The following KIAA1549 variants were observed in gnomAD, a reference collection of about 807,000 sequenced individuals.
KIAA1549 encodes UPF0606 protein KIAA1549.
A neutral mutation model predicts 156.4 loss-of-function variants in KIAA1549; 70 were observed. The ratio of observed to expected loss-of-function variants is 0.45; its 90% CI spans 0.37 to 0.55. The LOEUF is 0.55. Among genes scored for constraint, KIAA1549 ranks in the 20% least tolerant of loss-of-function variants. The probability of loss-of-function intolerance (pLI) is 0.00; values close to 1 mark genes in which losing one functional copy is unlikely to be tolerated. For missense variants in KIAA1549, 2,428 were observed against 2,540.9 expected (o/e 0.96, Z 0.96); for synonymous variants, 1,103 against 1,066.4 (o/e 1.03, Z -0.67).
chr7:138,845,722 A>T (rs1045511551), intron 17 of KIAA1549, among the ~76,000 whole-genome samples: 37 of 152,192 alleles, frequency 2.4e-4, no homozygotes, highest in African/African-American at 8.9e-4. Flanking sequence ...ACTCATCCAG[A>T]AAAGTCTCTC....
At chr7:138,881,702 T>G in intron 10 of KIAA1549, 118 bp from the exon 11 acceptor site, 1 of 841,390 alleles carries the variant, frequency 1.2e-6, no homozygotes, top group South Asian at 1.8e-5. Flanking sequence ...CCAACAAGCA[T>G]CGCTAGAACA....
intron 18 of KIAA1549, among the ~76,000 whole-genome samples, chr7:138,843,584 A>C (rs1809984519): frequency 6.6e-6 from 1 of 152,244 alleles, no homozygotes; most frequent in African/African-American, 2.4e-5. Flanking sequence ...ATAGAAATTT[A>C]AAAATAATTT....
intron 1 of KIAA1549, among the ~76,000 whole-genome samples, chr7:138,952,157 CT>C: frequency 6.6e-6 from 1 of 152,342 alleles, no homozygotes; most frequent in South Asian, 2.1e-4. Flanking sequence ...CACAGAGGTT[CT>C]GACTCAATGT....
In KIAA1549 at chr7:138,844,349, A is replaced by T. The variant is rs759851100; in HGVS notation, c.5420T>A (p.Val1807Glu). The change falls in exon 18 of 20, where the codon GTG (valine) becomes GAG (glutamate). Residue 1807 changes from valine (V) to glutamate (E), a missense_variant. Physicochemically the swap from Val to Glu is moderately radical, Grantham distance 121. Transcript: ENST00000422774. ...RGIYSEEMPS[V>E]ARPRPVGGTT... is the part of the protein sequence containing the mutation. ...ACCCCCGACAGGCCGAGGCCGGGCCACCGACGGCATCTCCTCCGAGTAGAT... is the reference window on the plus strand; with the variant it reads ...ACCCCCGACAGGCCGAGGCCGGGCCTCCGACGGCATCTCCTCCGAGTAGAT... 3.1e-6 allele frequency: 5 copies of T among 1,613,958 alleles called. No homozygotes were observed. The highest frequency in any genetic ancestry group is 4.2e-6 in the Non-Finnish European group (5 of 1,179,882).
Position 138,868,842 on chromosome 7 carries a change from G to A in KIAA1549, c.4775+696C>T, listed in dbSNP as rs577108947. On this transcript the variant is annotated intron_variant, in intron 14 of 19. Coordinates refer to ENST00000422774, the MANE Select transcript of KIAA1549 (RefSeq NM_001164665.2). Reference sequence around the variant, plus strand: ...GTGAATGTTCAGGGGCTACCAGGCCGTCTCCTGGGTGGCAGTTCTGTCCGT... The same window carrying A: ...GTGAATGTTCAGGGGCTACCAGGCCATCTCCTGGGTGGCAGTTCTGTCCGT... Among the ~76,000 whole-genome samples, 202 of 152,306 alleles carry A rather than the reference G, an allele frequency of 1.3e-3. 2 individuals carry two copies. Among genetic ancestry groups the A allele is most frequent in the Middle Eastern group, 3.4e-3 (1 of 294 alleles).
chr7:138,932,010 T>A (rs1410652251), intron 1 of KIAA1549, among the ~76,000 whole-genome samples: 1 of 152,030 alleles, frequency 6.6e-6, no homozygotes. Context: ...GCAGGAGACA[T>A]GAAGGCAGAC....
At chr7:138,850,440 T>C (rs1810204073) in intron 17 of KIAA1549, among the ~76,000 whole-genome samples, 1 of 152,214 alleles carries the variant, frequency 6.6e-6, no homozygotes, top group African/African-American at 2.4e-5. Context: ...ATTTCTCTAA[T>C]AATCAGTGAT....
At chr7:138,915,416 C>T (rs1244046496) in intron 2 of KIAA1549, among the ~76,000 whole-genome samples, 1 of 152,076 alleles carries the variant, frequency 6.6e-6, no homozygotes, top group African/African-American at 2.4e-5. Context: ...CATTACTTGC[C>T]ATGTGGAATA....
intron 10 of KIAA1549, among the ~76,000 whole-genome samples, chr7:138,888,581 C>A (rs1811463583): frequency 6.6e-6 from 1 of 152,242 alleles, no homozygotes. Flanking sequence ...AAACCCCACA[C>A]TTACTAGTCG....
intron 3 of KIAA1549, 148 bp from the exon 4 acceptor site, chr7:138,911,471 C>T: frequency 1.6e-6 from 1 of 635,766 alleles, no homozygotes; most frequent in East Asian, 2.8e-5. Context: ...TTAGTTACTG[C>T]TTTTACTCTC....
chr7:138,899,418 G>A (rs1463062486), intron 8 of KIAA1549, among the ~76,000 whole-genome samples: 3 of 152,184 alleles, frequency 2.0e-5, no homozygotes, highest in African/African-American at 7.2e-5. Context: ...GCGAGTCCAG[G>A]TGGTCTAAAA....
chr7:138,922,100 C>T (rs1353930954), intron 1 of KIAA1549, among the ~76,000 whole-genome samples: 114 of 152,168 alleles, frequency 7.5e-4, no homozygotes, highest in Admixed American at 7.5e-3. Flanking sequence ...AACGGTGAGA[C>T]AATCAATTTC....
At position 138,916,884 on chromosome 7, in the gene KIAA1549, A is replaced by G. The variant is rs749769056; in HGVS notation, c.2742T>C (p.Ala914=). Residue 914 remains alanine, a synonymous_variant, in exon 2 of 20, where the codon GCT becomes GCC. Coordinates refer to ENST00000422774, the MANE Select transcript of KIAA1549 (RefSeq NM_001164665.2). ...AASQSPPESS[A]APPLPSLRPV... is the part of the protein sequence containing the mutation. ...GACGCAGGGATGGCAGGGGAGGAGC[A>G]GCACTACTCTCTGGGGGGCTCTGAC... 8 of 1,613,762 alleles carry G rather than the reference A, an allele frequency of 5.0e-6. No individual in the cohort carries two copies. The Admixed American group carries it at 8.3e-5, about 17-fold the overall frequency.
chr7:138,911,020 A>G, intron 4 of KIAA1549, 126 bp downstream of exon 4: 1 of 781,068 alleles, frequency 1.3e-6, no homozygotes, highest in Non-Finnish European at 2.0e-6. Flanking sequence ...CAACAGACTG[A>G]GATCCTGTCT....
At position 138,881,476 on chromosome 7, in the gene KIAA1549, G is replaced by A. The variant is rs1242422859; in HGVS notation, c.4141C>T (p.Leu1381=). 1.9e-6 allele frequency: 3 copies of A among 1,613,940 alleles called. No homozygotes were observed. Among genetic ancestry groups the A allele is most frequent in the East Asian group, 2.2e-5 (1 of 44,904 alleles). Residue 1381 remains leucine, a synonymous_variant, in exon 11 of 20, where the codon CTG becomes TTG. Transcript: ENST00000422774. ...TCCGAGGGCGTGGTGTGGTCCTTCA[G>A]AGGTCCTGGCAGTGGCGCTGGCTCA... The part of the protein sequence containing the change: ...IHEPAPLPGP[L]KDHTTPSENG...
rs776206391 is a variant in KIAA1549, at chr7:138,869,627, G to A, written c.4686C>T (p.His1562=). The A allele has an allele frequency of 1.9e-6, 3 of 1,609,066 alleles. No homozygotes were observed. In the East Asian group the frequency reaches 6.7e-5, roughly 36 times the overall value. Residue 1562 remains histidine (H), a synonymous_variant, in exon 14 of 20, where the codon CAC becomes CAT. Transcript: ENST00000422774. ...DLSSGDTKER[H]RVYRRAQMQI... ...GCATCTGTGCCCTGCGGTACACCCG[G>A]TGTCGCTCCTTAGTGTCGCCCGAGG...
At position 138,969,095 on chromosome 7, in the gene KIAA1549, A is replaced by T. The variant is rs146800315; in HGVS notation, c.187+11988T>A. On this transcript the variant is annotated intron_variant, in intron 1 of 19. Coordinates refer to ENST00000422774, the MANE Select transcript of KIAA1549 (RefSeq NM_001164665.2). ...TCTCCTTCCTCCCACCATCCAACTC[A>T]AGGAGGCTCCAGTGTCTGTTGACTC... Among the ~76,000 whole-genome samples, 224 of 152,168 alleles carry T rather than the reference A, an allele frequency of 1.5e-3. 2 individuals are homozygous for T. The highest frequency in any genetic ancestry group is 5.2e-3 in the African/African-American group (217 of 41,502).
Position 138,940,188 on chromosome 7 carries a change from C to T in KIAA1549, c.188-20750G>A, listed in dbSNP as rs949702091. The stretch of plus-strand genomic sequence containing the variant: ...GCTCCCCCCACCCCACAACAGGCCC[C>T]GGTGTGTGATGTTCCCCTTCCTGTG... On this transcript the variant is annotated intron_variant, in intron 1 of 19. Coordinates refer to ENST00000422774, the MANE Select transcript of KIAA1549 (RefSeq NM_001164665.2). 6.0e-3 allele frequency among the ~76,000 whole-genome samples: 904 copies of T among 151,880 alleles called. 7 individuals carry two copies. Among genetic ancestry groups the T allele is most frequent in the African/African-American group, 0.02 (833 of 41,400 alleles).
At chr7:138,843,963 G>A (rs1400721031) in intron 18 of KIAA1549, among the ~76,000 whole-genome samples, 1 of 152,150 alleles carries the variant, frequency 6.6e-6, no homozygotes, top group African/African-American at 2.4e-5. Flanking sequence ...AGAGTCGTTC[G>A]TTACAAGCTG....
Sources: allele counts gnomAD v4.1 joint callset (sites outside exome capture counted in the v4.1 genomes callset), GRCh38; gene constraint gnomAD v4.1.1; transcripts MANE v1.5; gene names NCBI Gene and HGNC (gene_info 2026-07-23, HGNC 2026-07-21).